The following OGG1 variants were observed in gnomAD, a reference collection of about 807,000 sequenced individuals.
The protein encoded by OGG1 is 8-oxoguanine DNA glycosylase.
A neutral mutation model predicts 42.3 loss-of-function variants in OGG1; 35 were observed. The observed-to-expected ratio is 0.83, with a 90% CI of 0.63 to 1.10. The LOEUF (loss-of-function observed/expected upper bound fraction) is 1.10. Among genes scored for constraint, OGG1 ranks in the 50% least tolerant of loss-of-function variants. The probability of loss-of-function intolerance (pLI) is 0.00; values close to 1 mark genes in which losing one functional copy is unlikely to be tolerated. For synonymous variants in OGG1, 189 were observed against 179.0 expected, an observed-to-expected ratio of 1.06 and a Z score of -0.44; for missense variants, 484 against 446.7, an observed-to-expected ratio of 1.08 and a Z score of -0.75.
At chr3:9,760,238 G>A (rs1003634098), downstream of OGG1, 3 of 177,234 alleles carry the variant, frequency 1.7e-5, no homozygotes, top group Middle Eastern at 2.9e-3. Context: ...GCGAGACTGC[G>A]TCTCAAAAAA....
At chr3:9,776,463 C>T (rs1241244180) in intron 2 of OGG1, among the ~76,000 whole-genome samples, 9 of 148,084 alleles carry the variant, frequency 6.1e-5, no homozygotes, top group African/African-American at 2.2e-4. Context: ...GATCTCGGCT[C>T]ACTGCAAGCT....
chr3:9,784,275 G>C (rs866689051), intron 3 of OGG1: 16 of 1,552,038 alleles, frequency 1.0e-5, no homozygotes, highest in Non-Finnish European at 1.4e-5. Flanking sequence ...CCACCTTGGA[G>C]GTTCCCAGGG....
chr3:9,757,899 A>C (rs887751499), downstream of OGG1: 13 of 1,556,834 alleles, frequency 8.4e-6, no homozygotes, highest in African/African-American at 2.7e-5. This position sits in a 1 kb window ranked among gnomAD's most constrained non-coding sequence, Gnocchi z 4.5. Flanking sequence ...TGAGAGAGTC[A>C]AGTCATGGGG....
exon 3 of OGG1, chr3:9,781,530 G>A (rs1345381851): frequency 2.2e-6 from 1 of 456,582 alleles, no homozygotes; most frequent in Non-Finnish European, 4.4e-6. Flanking sequence ...GGTGCCAGCA[G>A]AAGGCCTGCT....
At position 9,756,674 on chromosome 3, in the gene OGG1, C is replaced by T. The variant is rs1226749881; in HGVS notation, c.898+53C>T. 15 of 1,610,736 alleles carry T rather than the reference C, an allele frequency of 9.3e-6. No individual in the cohort carries two copies. In the South Asian group the frequency reaches 1.5e-4, roughly 17 times the overall value. On this transcript the variant is annotated intron_variant, in intron 5 of 6. Coordinates refer to ENST00000344629, the MANE Select transcript of OGG1 (RefSeq NM_002542.6). ...CAGTGGGCTGGGATGGTAGAAACTT[C>T]TCTCTCTCTTAGTCACCTCTCCCTC...
At chr3:9,763,473 G>A (rs1279188446) in intron 7 of OGG1, among the ~76,000 whole-genome samples, 1 of 150,796 alleles carries the variant, frequency 6.6e-6, no homozygotes, top group Non-Finnish European at 1.5e-5. Context: ...CCCGACCACT[G>A]CCTACATACC....
downstream of OGG1, chr3:9,759,862 A>G (rs1295423049): frequency 6.3e-6 from 10 of 1,588,304 alleles, no homozygotes; most frequent in African/African-American, 1.2e-4. Flanking sequence ...AAAGAGGCCA[A>G]ATCAGTCCAT....
downstream of OGG1, chr3:9,761,340 G>A: frequency 1.0e-6 from 1 of 981,230 alleles, no homozygotes; most frequent in African/African-American, 1.6e-5. Flanking sequence ...TAATTGATTG[G>A]TGGAAGGAAG....
chr3:9,771,966 A>G (rs1256983142), intron 2 of OGG1, among the ~76,000 whole-genome samples: 1 of 151,692 alleles, frequency 6.6e-6, no homozygotes, highest in Non-Finnish European at 1.5e-5. Flanking sequence ...ACAGGCGTGA[A>G]CCAACACGCC....
chr3:9,768,303 T>A (rs1387887280), downstream of OGG1, among the ~76,000 whole-genome samples: 3 of 152,340 alleles, frequency 2.0e-5, no homozygotes, highest in East Asian at 3.9e-4. Context: ...AATAGCTCTT[T>A]CTGCACTGTT....
downstream of OGG1, chr3:9,761,013 T>G (rs545626946): frequency 4.1e-6 from 2 of 483,544 alleles, no homozygotes; most frequent in Non-Finnish European, 7.4e-6. Context: ...TGCCACTCTT[T>G]CCCCACACCT....
At chr3:9,781,686 T>C (rs2078469454) in intron 3 of OGG1, 7 of 433,076 alleles carry the variant, frequency 1.6e-5, no homozygotes, top group Admixed American at 4.8e-5. Context: ...CACTTAGTGA[T>C]TGAGTCCAGC....
At chr3:9,787,229 T>A (rs1359450192) in intron 3 of OGG1, 1 of 1,614,074 alleles carries the variant, frequency 6.2e-7, no homozygotes, top group East Asian at 2.2e-5. Context: ...AGTGGCCCCA[T>A]GAGGCCTTTC....
chr3:9,781,312 A>AAC (rs141783227), intron 2 of OGG1, among the ~76,000 whole-genome samples: 2 of 150,988 alleles, frequency 1.3e-5, no homozygotes, highest in African/African-American at 2.4e-5. Context: ...CACACACACA[A>AAC]ACACACACAC....
Position 9,751,057 on chromosome 3 carries a change from C to T in OGG1, c.250C>T (p.Gln84Ter). The T allele has an allele frequency of 6.2e-7, 1 of 1,613,776 alleles. No individual in the cohort carries two copies. Among genetic ancestry groups the T allele is most frequent in the Non-Finnish European group, 8.5e-7 (1 of 1,179,848 alleles). ...CACTGTGTACCGAGGAGACAAGAGC[C>T]AGGCTAGCAGGCCCACACCAGACGA... ...HCTVYRGDKSQASRPTPDELE... is the reference protein window; with the variant it reads ...HCTVYRGDKS Residue 84 changes from glutamine (Q) to a stop codon, truncating the protein, a stop_gained, in exon 2 of 7, where the codon CAG (glutamine) becomes TAG (stop). Transcript: ENST00000344629. LOFTEE classifies it high-confidence loss of function.
chr3:9,752,089 C>T, intron 3 of OGG1, 140 bp downstream of exon 3: 1 of 736,420 alleles, frequency 1.4e-6, no homozygotes, highest in East Asian at 2.7e-5. Flanking sequence ...GTCTGATCAA[C>T]TCCAGTTACT....
chr3:9,774,086 T>C (rs2078335241), intron 2 of OGG1, among the ~76,000 whole-genome samples: 1 of 151,896 alleles, frequency 6.6e-6, no homozygotes, highest in African/African-American at 2.4e-5. Context: ...ATGGAAGAAA[T>C]AACAAGGAAA....
At chr3:9,773,766 C>T (rs963176365) in intron 2 of OGG1, among the ~76,000 whole-genome samples, 2 of 152,094 alleles carry the variant, frequency 1.3e-5, no homozygotes, top group African/African-American at 4.8e-5. Flanking sequence ...CATCATGGCT[C>T]ACTGCAGCCT....
At chr3:9,762,311 T>C (rs949836086), downstream of OGG1, 2 of 154,134 alleles carry the variant, frequency 1.3e-5, no homozygotes, top group African/African-American at 4.8e-5. Flanking sequence ...TCTTTATGTT[T>C]TGCTGTCCCA....
Sources: allele counts gnomAD v4.1 joint callset (sites outside exome capture counted in the v4.1 genomes callset), GRCh38; gene constraint gnomAD v4.1.1; non-coding constraint Gnocchi (gnomAD v3.1); transcripts MANE v1.5; gene names NCBI Gene and HGNC (gene_info 2026-07-23, HGNC 2026-07-21).